ITPR1: variants seen among roughly 807,000 people sequenced by gnomAD.
ITPR1 encodes the protein inositol 1,4,5-trisphosphate receptor type 1.
A neutral mutation model predicts 318.4 loss-of-function variants in ITPR1; 96 were observed. The ratio of observed to expected loss-of-function variants is 0.30; its 90% CI spans 0.26 to 0.36. ITPR1 has a LOEUF of 0.36. Ranked by LOEUF, ITPR1 falls within the 10% of genes least tolerant of loss-of-function variation. The pLI is 1.00. For synonymous variants in ITPR1, 1,312 were observed against 1,289.9 expected (o/e 1.02, Z -0.37); for missense variants, 2,440 against 3,460.2 (o/e 0.71, Z 7.40).
chr3:4,847,043 G>T lies in ITPR1; in HGVS notation c.*818G>T, dbSNP rs549937447. 1 of 152,674 alleles carries T rather than the reference G, an allele frequency of 6.5e-6. No homozygotes were observed. The highest frequency in any genetic ancestry group is 1.9e-4 in the East Asian group (1 of 5,190). The allele number at this position is 152,674 out of a possible 1,614,324, so 9.5% of individuals were successfully genotyped here. ...ATAAATGCATACTGCTGGCCAATCA[G>T]TGTCATCTCCTGGGTAAATTTTGAT... On this transcript the variant is annotated 3_prime_UTR_variant, in exon 62 of 62. Coordinates refer to ENST00000649015, the MANE Select transcript of ITPR1 (RefSeq NM_001378452.1).
At chr3:4,837,918 G>C (rs1408200376) in intron 61 of ITPR1, among the ~76,000 whole-genome samples, 1 of 152,158 alleles carries the variant, frequency 6.6e-6, no homozygotes, top group Non-Finnish European at 1.5e-5. Context: ...CCATAGACAA[G>C]ATTATAGTGT....
chr3:4,830,935 G>A (rs146110778), intron 60 of ITPR1: 10 of 456,366 alleles, frequency 2.2e-5, no homozygotes, highest in Admixed American at 4.7e-5. Context: ...GGTGGTAAAC[G>A]TAAAACTCTA....
At chr3:4,526,955 A>C (rs1448202895) in intron 4 of ITPR1, among the ~76,000 whole-genome samples, 2 of 152,238 alleles carry the variant, frequency 1.3e-5, no homozygotes, top group Non-Finnish European at 2.9e-5. Flanking sequence ...AAAGCAGGTG[A>C]AATTTCTTCC....
At chr3:4,596,828 G>T (rs1476506662) in intron 4 of ITPR1, among the ~76,000 whole-genome samples, 1 of 152,180 alleles carries the variant, frequency 6.6e-6, no homozygotes. Context: ...CTCCCTGGGG[G>T]AATAGGAATC....
At chr3:4,726,378 C>T (rs1228315926) in intron 41 of ITPR1, among the ~76,000 whole-genome samples, 1 of 151,724 alleles carries the variant, frequency 6.6e-6, no homozygotes. Flanking sequence ...TTGCTGCTAA[C>T]TAAACTCACT....
intron 2 of ITPR1, among the ~76,000 whole-genome samples, chr3:4,512,533 G>A (rs1231361427): frequency 6.6e-6 from 1 of 152,152 alleles, no homozygotes; most frequent in Non-Finnish European, 1.5e-5. Flanking sequence ...CTTCCCTGAA[G>A]TAAAATCTGT....
rs114806495 is a variant in ITPR1, at chr3:4,800,905, C to G, written c.7107+305C>G. ...TGAGATTTAAGTTAGTTTTGCCAAT[C>G]TGGTCAAAGGTTTGTTGGGACAGAA... On this transcript the variant is annotated intron_variant, in intron 54 of 61. Coordinates refer to ENST00000649015, the MANE Select transcript of ITPR1 (RefSeq NM_001378452.1). Among the ~76,000 whole-genome samples, 2,799 of 152,240 alleles carry G rather than the reference C, an allele frequency of 0.018. 81 individuals carry two copies. The highest frequency in any genetic ancestry group is 0.063 in the African/African-American group (2,633 of 41,516).
chr3:4,675,442 C>CT (rs1260840427), intron 23 of ITPR1, among the ~76,000 whole-genome samples, 194 bp downstream of exon 23: 1 of 152,198 alleles, frequency 6.6e-6, no homozygotes, highest in Admixed American at 6.5e-5. Context: ...GTACCCATGA[C>CT]TTTGAGTCAA....
chr3:4,752,283 C>G (rs540080113), intron 44 of ITPR1, among the ~76,000 whole-genome samples: 2 of 152,324 alleles, frequency 1.3e-5, no homozygotes, highest in African/African-American at 4.8e-5. Context: ...GCTATCAAGT[C>G]TGGGGAGGGA....
At chr3:4,661,218 T>C in intron 14 of ITPR1, 131 bp downstream of exon 14, 1 of 538,628 alleles carries the variant, frequency 1.9e-6, no homozygotes, top group Non-Finnish European at 3.4e-6. Flanking sequence ...ATGGCCGAAC[T>C]TGAATGTGAC....
intron 59 of ITPR1, chr3:4,816,225 C>G (rs2049292278): frequency 6.6e-6 from 1 of 152,222 alleles, no homozygotes; most frequent in South Asian, 2.1e-4. Context: ...AATCCCACCT[C>G]CTGCGGGGCT....
At position 4,525,992 on chromosome 3, in the gene ITPR1, A is replaced by T. The variant is rs77526222; in HGVS notation, c.163+4898A>T. Among the ~76,000 whole-genome samples the T allele has an allele frequency of 7.2e-3, 1,091 of 152,308 alleles. 16 individuals carry two copies. Among genetic ancestry groups the T allele is most frequent in the African/African-American group, 0.025 (1,050 of 41,568 alleles). On this transcript the variant is annotated intron_variant, in intron 4 of 61. Transcript: ENST00000649015. Reference sequence around the variant, plus strand: ...GGGTTGTTGGAGTAGAAACAAGGGAACTGGGCTTTTGGGCAATTAGATAGG... The same window carrying T: ...GGGTTGTTGGAGTAGAAACAAGGGATCTGGGCTTTTGGGCAATTAGATAGG...
chr3:4,768,352 C>A (rs2045953198), intron 45 of ITPR1, 159 bp from the exon 46 acceptor site: 1 of 806,948 alleles, frequency 1.2e-6, no homozygotes, highest in Non-Finnish European at 1.9e-6. Flanking sequence ...TTAATCCTGT[C>A]TGAGGACTGA....
chr3:4,803,967 G>T (rs1178791338), intron 54 of ITPR1, among the ~76,000 whole-genome samples: 1 of 152,304 alleles, frequency 6.6e-6, no homozygotes, highest in South Asian at 2.1e-4. Context: ...CGCCTCCTGG[G>T]TTCAAGCAAT....
intron 61 of ITPR1, among the ~76,000 whole-genome samples, chr3:4,844,009 G>A (rs942668375): frequency 7.9e-5 from 12 of 152,008 alleles, no homozygotes; most frequent in Admixed American, 7.2e-4. Flanking sequence ...AAATTACAGG[G>A]GAAAAAAGTC....
rs955938184 is a variant in ITPR1, at chr3:4,779,305, A to C, written c.6292-245A>C. ...CAGCTAACATTAGGGCATAACACAC[A>C]TGCCCTGACAAATATGTGCCTCTTT... On this transcript the variant is annotated intron_variant, in intron 48 of 61. Transcript: ENST00000649015. This position sits in a 1 kb window ranked among gnomAD's most constrained non-coding sequence, Gnocchi z 4.0. 9.9e-5 allele frequency among the ~76,000 whole-genome samples: 15 copies of C among 152,246 alleles called. No individual in the cohort carries two copies. Among genetic ancestry groups the C allele is most frequent in the African/African-American group, 3.6e-4 (15 of 41,470 alleles).
chr3:4,628,584 C>G (rs373171287), intron 5 of ITPR1, among the ~76,000 whole-genome samples: 3 of 152,264 alleles, frequency 2.0e-5, no homozygotes, highest in East Asian at 1.9e-4. Flanking sequence ...GTACTAACAT[C>G]GAAATTGTGC....
chr3:4,711,023 C>G (rs1200647781), intron 38 of ITPR1, among the ~76,000 whole-genome samples: 1 of 151,842 alleles, frequency 6.6e-6, no homozygotes, highest in Non-Finnish European at 1.5e-5. Context: ...ACCAGCCTGG[C>G]CAACATGGTG....
chr3:4,742,970 C>T (rs1355822861), intron 44 of ITPR1, among the ~76,000 whole-genome samples: 2 of 152,218 alleles, frequency 1.3e-5, no homozygotes, highest in East Asian at 3.8e-4. Flanking sequence ...AACTCCAGGA[C>T]ATTGGGAAAT....
Sources: gnomAD v4.1 joint callset for allele counts (sites outside exome capture counted in the v4.1 genomes callset) on GRCh38, gnomAD v4.1.1 for gene constraint, Gnocchi (gnomAD v3.1) non-coding constraint, MANE v1.5 for transcripts, NCBI Gene and HGNC (gene_info 2026-07-23, HGNC 2026-07-21) for gene names.